Variants in TRIO observed in about 807,000 individuals in gnomAD.
TRIO encodes the protein trio Rho guanine nucleotide exchange factor, also known as triple functional domain protein.
Under a neutral mutation model 351.9 loss-of-function variants are expected in TRIO, and 58 were observed. That is an observed-to-expected ratio of 0.16 (90% CI 0.13 to 0.21). The LOEUF (loss-of-function observed/expected upper bound fraction) is 0.21, where lower values mean the gene tolerates loss of function less well. Ranked by LOEUF, TRIO falls within the 10% of genes least tolerant of loss-of-function variation. TRIO has a pLI of 1.00. For synonymous variants in TRIO, 1,758 were observed against 1,595.7 expected (o/e 1.10, Z -2.42); for missense variants, 3,201 against 4,027.8 (o/e 0.79, Z 5.56).
intron 1 of TRIO, among the ~76,000 whole-genome samples, chr5:14,147,349 C>A: frequency 6.6e-6 from 1 of 152,166 alleles, no homozygotes; most frequent in Admixed American, 6.5e-5. Context: ...CATTAGTTCT[C>A]AACCCCACTG....
intron 33 of TRIO, among the ~76,000 whole-genome samples, chr5:14,411,398 G>C (rs548320693): frequency 6.6e-6 from 1 of 152,164 alleles, no homozygotes; most frequent in East Asian, 1.9e-4. Flanking sequence ...AAAAATGGCC[G>C]AGGCGAGATG....
intron 1 of TRIO, among the ~76,000 whole-genome samples, chr5:14,197,606 G>A (rs1043621134): frequency 1.3e-5 from 2 of 152,168 alleles, no homozygotes; most frequent in African/African-American, 4.8e-5. Context: ...ACTATGAAGG[G>A]TCTGAGCTTC....
At chr5:14,279,385 T>C (rs1735798978) in intron 2 of TRIO, among the ~76,000 whole-genome samples, 1 of 152,134 alleles carries the variant, frequency 6.6e-6, no homozygotes, top group Non-Finnish European at 1.5e-5. Flanking sequence ...GCTTTCTTTC[T>C]AATTTTAGAT....
In TRIO at chr5:14,492,799, C is replaced by T. The variant is rs575988358; in HGVS notation, c.7865C>T (p.Pro2622Leu). The T allele has an allele frequency of 1.0e-4, 169 of 1,613,754 alleles. No homozygotes were observed. In the South Asian group the frequency reaches 1.3e-3, roughly 12 times the overall value. ...GHTSAVIVEN[P>L]DGTLKKSTSW... ...ACCAGTGCAGTCATCGTGGAGAACC[C>T]GGACGGGACTCTCAAGTGAGTGCTT... Residue 2622 changes from proline to leucine, a missense_variant, in exon 49 of 57, where the codon CCG becomes CTG. Around this residue, in one of 19 missense-constraint regions of TRIO, gnomAD observed 1,089 missense variants for 954.9 expected, o/e 1.14. Transcript: ENST00000344204.
chr5:14,488,258 G>C lies in TRIO; in HGVS notation c.7630G>C (p.Gly2544Arg). The change falls in exon 48 of 57, where the codon GGG (glycine) becomes CGG (arginine). Residue 2544 changes from glycine to arginine, a missense_variant and splice_region_variant. By Grantham distance (125) the Gly-to-Arg change is moderately radical. This residue lies in a region of TRIO where 1,089 missense variants were observed against 954.9 expected (regional missense o/e 1.14). Coordinates refer to ENST00000344204, the MANE Select transcript of TRIO (RefSeq NM_007118.4). ...GTCCGTGCAGTCCACCCAGAGCAAC[G>C]GGGTAAGCGCGTCGGGGGGCCCGCG... ...EQSVQSTQSN[G>R]SESSSSSNIS... 9 of 1,565,564 alleles carry C rather than the reference G, an allele frequency of 5.7e-6. No individual in the cohort carries two copies. Among genetic ancestry groups the C allele is most frequent in the Non-Finnish European group, 7.7e-6 (9 of 1,162,244 alleles).
intron 18 of TRIO, among the ~76,000 whole-genome samples, chr5:14,373,831 C>T (rs573653334): frequency 4.6e-5 from 7 of 152,302 alleles, no homozygotes; most frequent in Admixed American, 3.3e-4. Flanking sequence ...GTCTACCCTA[C>T]GTAGAAATCC....
At chr5:14,249,510 G>T (rs997793304) in intron 1 of TRIO, among the ~76,000 whole-genome samples, 4 of 152,188 alleles carry the variant, frequency 2.6e-5, no homozygotes, top group Non-Finnish European at 4.4e-5. Context: ...GGCTTCATTT[G>T]TTCCTTTATG....
At chr5:14,260,428 A>ACATGCCATCTT (rs1209643897) in intron 1 of TRIO, among the ~76,000 whole-genome samples, 2 of 152,228 alleles carry the variant, frequency 1.3e-5, no homozygotes, top group Non-Finnish European at 1.5e-5. Flanking sequence ...ATTTAGGGGA[A>ACATGCCATCTT]AAATCTCTGG....
At chr5:14,205,092 C>T (rs374413065) in intron 1 of TRIO, among the ~76,000 whole-genome samples, 3 of 152,170 alleles carry the variant, frequency 2.0e-5, no homozygotes, top group South Asian at 2.1e-4. Flanking sequence ...GAAGTGCCCA[C>T]GGATTCAGGA....
chr5:14,496,094 A>G (rs1756874820), intron 49 of TRIO, among the ~76,000 whole-genome samples: 1 of 152,170 alleles, frequency 6.6e-6, no homozygotes, highest in Non-Finnish European at 1.5e-5. Flanking sequence ...GGTGCGGATG[A>G]TAGCATTTTT....
chr5:14,381,104 A>G, intron 20 of TRIO, 26 bp from the exon 21 acceptor site: 11 of 1,607,720 alleles, frequency 6.8e-6, no homozygotes, highest in Non-Finnish European at 9.3e-6. Flanking sequence ...TAGCCCTCTG[A>G]CTCCATTCAT....
chr5:14,286,120 A>G lies in TRIO; in HGVS notation c.348-751A>G, dbSNP rs1392366160. On this transcript the variant is annotated intron_variant, in intron 3 of 56. Coordinates refer to ENST00000344204, the MANE Select transcript of TRIO (RefSeq NM_007118.4). The surrounding 1 kb of genome is among the most constrained non-coding windows in gnomAD (Gnocchi z 4.4). Reference sequence around the variant, plus strand: ...TTTTTTTAAGTGCAATAATGTGGAGAGGAAGAACATAGTGACTCCCAGCAC... The same window carrying G: ...TTTTTTTAAGTGCAATAATGTGGAGGGGAAGAACATAGTGACTCCCAGCAC... Among the ~76,000 whole-genome samples, 1 of 151,736 alleles carries G rather than the reference A, an allele frequency of 6.6e-6. No individual in the cohort carries two copies. The highest frequency in any genetic ancestry group is 1.5e-5 in the Non-Finnish European group (1 of 67,970).
chr5:14,453,713 A>C (rs781358975), intron 34 of TRIO, among the ~76,000 whole-genome samples: 5 of 152,162 alleles, frequency 3.3e-5, no homozygotes, highest in Non-Finnish European at 7.3e-5. Flanking sequence ...TCCCTTATGG[A>C]TCATCCATCT....
At chr5:14,253,308 T>C (rs574390807) in intron 1 of TRIO, among the ~76,000 whole-genome samples, 110 of 152,346 alleles carry the variant, frequency 7.2e-4, no homozygotes, top group African/African-American at 2.6e-3. Flanking sequence ...AGTACGTGTG[T>C]AATTTAGGAT....
At chr5:14,483,945 C>G (rs983095121) in intron 46 of TRIO, among the ~76,000 whole-genome samples, 1 of 152,108 alleles carries the variant, frequency 6.6e-6, no homozygotes, top group Non-Finnish European at 1.5e-5. Context: ...CGCTGAACTG[C>G]ACCCATACGC....
intron 1 of TRIO, among the ~76,000 whole-genome samples, chr5:14,244,472 A>G (rs1794320369): frequency 6.6e-6 from 1 of 152,208 alleles, no homozygotes; most frequent in Non-Finnish European, 1.5e-5. Flanking sequence ...AGAATACTTA[A>G]AAGCACCTTA....
At position 14,338,913 on chromosome 5, in the gene TRIO, C is replaced by T. The variant is rs538332858; in HGVS notation, c.2046+2186C>T. On this transcript the variant is annotated intron_variant, in intron 11 of 56. Transcript: ENST00000344204. Reference sequence around the variant, plus strand: ...CTGGCCATATTCTATAGCAGCTTAGCAGTCTGAGGTAAGGGTCTAGCTTCC... The same window carrying T: ...CTGGCCATATTCTATAGCAGCTTAGTAGTCTGAGGTAAGGGTCTAGCTTCC... 1.5e-4 allele frequency among the ~76,000 whole-genome samples: 23 copies of T among 152,264 alleles called. No individual in the cohort carries two copies. In the South Asian group the frequency reaches 4.8e-3, roughly 32 times the overall value.
intron 1 of TRIO, among the ~76,000 whole-genome samples, chr5:14,223,739 T>C (rs1792801004): frequency 6.6e-6 from 1 of 152,234 alleles, no homozygotes; most frequent in African/African-American, 2.4e-5. Flanking sequence ...GTTTTTCATT[T>C]GAAGGTCATC....
chr5:14,370,379 T>C (rs1744994958), intron 18 of TRIO, among the ~76,000 whole-genome samples: 1 of 152,232 alleles, frequency 6.6e-6, no homozygotes, highest in South Asian at 2.1e-4. Context: ...CATTTGGTGC[T>C]GAATGTTCTG....
Sources: allele counts gnomAD v4.1 joint callset (sites outside exome capture counted in the v4.1 genomes callset), GRCh38; gene constraint gnomAD v4.1.1; regional missense constraint gnomAD v4.1.1; non-coding constraint Gnocchi (gnomAD v3.1); transcripts MANE v1.5; gene names NCBI Gene and HGNC (gene_info 2026-07-23, HGNC 2026-07-21).